The following PACRG variants were observed in gnomAD, a reference collection of about 807,000 sequenced individuals.
PACRG encodes the protein parkin coregulated.
PACRG carries 29 observed loss-of-function variants against 29.7 expected under a neutral mutation model. The ratio of observed to expected loss-of-function variants is 0.98; its 90% CI spans 0.73 to 1.33. The LOEUF is 1.33. Among genes scored for constraint, PACRG ranks in the 40% most tolerant of loss-of-function variants. The pLI, the probability that PACRG is intolerant of heterozygous loss-of-function variation, is 0.00. For synonymous variants in PACRG, 116 were observed against 118.7 expected, an observed-to-expected ratio of 0.98 and a Z score of 0.15; for missense variants, 279 against 316.2, an observed-to-expected ratio of 0.88 and a Z score of 0.89.
chr6:162,781,608 C>T (rs753635226), intron 1 of PACRG, among the ~76,000 whole-genome samples: 2 of 151,500 alleles, frequency 1.3e-5, no homozygotes, highest in South Asian at 2.1e-4. Context: ...TCTATGACTA[C>T]ACTAGCATAA....
intron 1 of PACRG, among the ~76,000 whole-genome samples, chr6:162,748,236 A>G (rs1283172161): frequency 6.6e-6 from 1 of 152,186 alleles, no homozygotes; most frequent in Non-Finnish European, 1.5e-5. Context: ...CACGCCTGTA[A>G]TTCCAGCACT....
intron 2 of PACRG, among the ~76,000 whole-genome samples, chr6:162,940,329 T>C (rs1420091603): frequency 6.6e-6 from 1 of 152,100 alleles, no homozygotes; most frequent in East Asian, 1.9e-4. Context: ...TGACTTCTAT[T>C]TTGTTTCCTG....
At chr6:162,885,747 T>A (rs1584656807) in intron 2 of PACRG, among the ~76,000 whole-genome samples, 1 of 152,106 alleles carries the variant, frequency 6.6e-6, no homozygotes, top group East Asian at 1.9e-4. Flanking sequence ...CTTGCATGTG[T>A]GTGTGTGTGC....
chr6:162,852,005 G>GGAAGGAAGGAAAGGAAGGA (rs1562663902), intron 2 of PACRG, among the ~76,000 whole-genome samples: 2 of 116,032 alleles, frequency 1.7e-5, no homozygotes, highest in African/African-American at 6.8e-5. Flanking sequence ...GGGAGGGAGG[G>GGAAGGAAGGAAAGGAAGGA]AGGAAGGAAG....
chr6:162,877,767 A>G (rs1041408183), intron 2 of PACRG, among the ~76,000 whole-genome samples: 20 of 152,270 alleles, frequency 1.3e-4, no homozygotes, highest in African/African-American at 4.6e-4. Flanking sequence ...TTGGTTCAGA[A>G]ATGGCATCCC....
intron 2 of PACRG, among the ~76,000 whole-genome samples, chr6:162,953,676 C>T (rs1014907710): frequency 7.2e-5 from 11 of 151,974 alleles, no homozygotes; most frequent in East Asian, 3.9e-4. Flanking sequence ...GCTGTCCTCC[C>T]GCTCTCTCTC....
intron 4 of PACRG, among the ~76,000 whole-genome samples, chr6:163,301,386 G>A (rs1408952459): frequency 6.6e-6 from 1 of 152,222 alleles, no homozygotes; most frequent in Non-Finnish European, 1.5e-5. Context: ...ACGATTAAGT[G>A]TAAGCTTAAG....
intron 4 of PACRG, among the ~76,000 whole-genome samples, chr6:163,142,269 A>G (rs1777569767): frequency 6.6e-6 from 1 of 152,238 alleles, no homozygotes. Flanking sequence ...AAACAAAACC[A>G]GGTTCTTTGA....
intron 2 of PACRG, among the ~76,000 whole-genome samples, chr6:162,889,986 C>G (rs899324169): frequency 6.6e-6 from 1 of 152,202 alleles, no homozygotes; most frequent in East Asian, 1.9e-4. Flanking sequence ...CTGAAATAAA[C>G]TATGTCAAAT....
At chr6:163,004,809 A>G (rs949627328) in intron 2 of PACRG, among the ~76,000 whole-genome samples, 2 of 151,430 alleles carry the variant, frequency 1.3e-5, no homozygotes, top group African/African-American at 2.4e-5. Context: ...TAATGAAAAT[A>G]CTTATTTGTT....
chr6:163,182,632 G>A (rs75858362), intron 4 of PACRG: 16 of 152,282 alleles, frequency 1.1e-4, no homozygotes, highest in Non-Finnish European at 2.1e-4. Flanking sequence ...TTGAGAAAAT[G>A]CGTATTTAAA....
intron 2 of PACRG, among the ~76,000 whole-genome samples, chr6:162,819,454 G>T (rs535043255): frequency 6.6e-6 from 1 of 152,094 alleles, no homozygotes; most frequent in African/African-American, 2.4e-5. Flanking sequence ...ATTTCAAAAC[G>T]GATTTAAATT....
At chr6:162,902,764 T>G (rs1384099712) in intron 2 of PACRG, among the ~76,000 whole-genome samples, 1 of 152,210 alleles carries the variant, frequency 6.6e-6, no homozygotes, top group Non-Finnish European at 1.5e-5. Flanking sequence ...AATCATCCTA[T>G]AGTTTAGTAT....
At chr6:163,189,292 A>C (rs1780094238) in intron 4 of PACRG, 2 of 152,242 alleles carry the variant, frequency 1.3e-5, no homozygotes, top group Non-Finnish European at 2.9e-5. Context: ...TTTTGGTTTT[A>C]GTTAGTGCAA....
At chr6:163,111,333 G>A (rs1815702689) in intron 4 of PACRG, among the ~76,000 whole-genome samples, 1 of 152,174 alleles carries the variant, frequency 6.6e-6, no homozygotes, top group Non-Finnish European at 1.5e-5. Context: ...ACCAGAGGGT[G>A]GGGAACAATG....
intron 1 of PACRG, among the ~76,000 whole-genome samples, chr6:162,768,918 C>T (rs1782998828): frequency 6.6e-6 from 1 of 152,150 alleles, no homozygotes; most frequent in South Asian, 2.1e-4. Flanking sequence ...CTCTTGGCTA[C>T]CTTTCATGGC....
chr6:163,086,852 C>T (rs1813606351), intron 3 of PACRG, among the ~76,000 whole-genome samples: 1 of 152,058 alleles, frequency 6.6e-6, no homozygotes, highest in Admixed American at 6.5e-5. Flanking sequence ...AGTGGTTTTG[C>T]AGCTATTTCC....
intron 2 of PACRG, among the ~76,000 whole-genome samples, chr6:162,947,623 T>TCATATATATATATATATATATATATAATC (rs1562767460): frequency 8.9e-5 from 3 of 33,870 alleles, no homozygotes; most frequent in Non-Finnish European, 1.2e-4. Context: ...TATATATATA[T>TCATATATATATATATATATATATATAATC]ATATATATAT....
chr6:163,222,138 GT>G (rs1781606996), intron 4 of PACRG, among the ~76,000 whole-genome samples: 1 of 152,176 alleles, frequency 6.6e-6, no homozygotes, highest in Non-Finnish European at 1.5e-5. Context: ...ATAGATTACA[GT>G]GGTAATTGAA....
Sources: allele counts gnomAD v4.1 joint callset (sites outside exome capture counted in the v4.1 genomes callset), GRCh38; gene constraint gnomAD v4.1.1; transcripts MANE v1.5; gene names NCBI Gene and HGNC (gene_info 2026-07-23, HGNC 2026-07-21).